N4BP2: variants seen among roughly 807,000 people sequenced by gnomAD.
N4BP2 encodes NEDD4 binding protein 2, also known as NEDD4-binding protein 2.
In N4BP2, 91 loss-of-function variants were observed where a neutral mutation model predicts 152.8. The observed-to-expected ratio is 0.60, with a 90% confidence interval of 0.50 to 0.71. N4BP2 has a LOEUF of 0.71. N4BP2 is among the 30% of genes least tolerant of loss of function. The pLI, the probability that N4BP2 is intolerant of heterozygous loss-of-function variation, is 0.00. For synonymous variants in N4BP2, 646 were observed against 705.3 expected (o/e 0.92, Z 1.33); for missense variants, 1,923 against 2,059.1 (o/e 0.93, Z 1.28).
intron 13 of N4BP2, among the ~76,000 whole-genome samples, chr4:40,136,679 T>C (rs1719437776): frequency 6.6e-6 from 1 of 152,240 alleles, no homozygotes; most frequent in South Asian, 2.1e-4. Flanking sequence ...TGAGCTACTG[T>C]GCCTGGCTGA....
chr4:40,161,057 T>A (rs1721845916), downstream of N4BP2, among the ~76,000 whole-genome samples: 1 of 152,134 alleles, frequency 6.6e-6, no homozygotes, highest in Non-Finnish European at 1.5e-5. Flanking sequence ...AAAAACTCAA[T>A]CAATCAATCC....
rs1333051190 is a variant in N4BP2, at chr4:40,142,748, G to A, written c.4861G>A (p.Asp1621Asn). ...FQDFEYPDYD[D>N]YRAEAFLHQQ... ...GGACTTTGAGTACCCAGACTATGATGACTACAGAGCAGAGGCTTTCCTTCA... is the reference window on the plus strand; with the variant it reads ...GGACTTTGAGTACCCAGACTATGATAACTACAGAGCAGAGGCTTTCCTTCA... Residue 1621 changes from aspartate to asparagine, a missense_variant, in exon 15 of 18, where the codon GAC (aspartate) becomes AAC (asparagine). Physicochemically the swap from Asp to Asn is conservative, Grantham distance 23. Transcript: ENST00000261435. 3 of 1,613,870 alleles carry A rather than the reference G, an allele frequency of 1.9e-6. No homozygotes were observed. The highest frequency in any genetic ancestry group is 2.7e-5 in the African/African-American group (2 of 74,918).
At chr4:40,102,010 A>C in intron 3 of N4BP2, 65 bp from the exon 4 acceptor site, 12 of 1,014,046 alleles carry the variant, frequency 1.2e-5, no homozygotes, top group South Asian at 1.1e-4. Flanking sequence ...GATTTTAATA[A>C]AATTATTAAA....
intron 2 of N4BP2, among the ~76,000 whole-genome samples, chr4:40,094,797 C>T (rs1375151932): frequency 6.6e-6 from 1 of 151,786 alleles, no homozygotes; most frequent in African/African-American, 2.4e-5. Flanking sequence ...GGTGATCTGC[C>T]CACCTCGACC....
rs528444577 is a variant in N4BP2 at position 40,105,348 on chromosome 4, G to A, written c.1374-1552G>A. On this transcript the variant is annotated intron_variant, in intron 4 of 17. Transcript: ENST00000261435. ...CAATTTTTTTTTTTTTTTTTTGACA[G>A]AGTCTGACTCTGTCACCCAGGCTGT... Among the ~76,000 whole-genome samples, 139 of 146,372 alleles carry A rather than the reference G, an allele frequency of 9.5e-4. 1 individual carries two copies. The highest frequency in any genetic ancestry group is 9.2e-3 in the Admixed American group (133 of 14,482).
At chr4:40,136,031 T>C (rs1719350980) in intron 13 of N4BP2, among the ~76,000 whole-genome samples, 1 of 152,210 alleles carries the variant, frequency 6.6e-6, no homozygotes, top group African/African-American at 2.4e-5. Flanking sequence ...ATTTGTTGAT[T>C]TGTAGAATTT....
intron 1 of N4BP2, among the ~76,000 whole-genome samples, chr4:40,062,963 T>G (rs1733778974): frequency 6.6e-6 from 1 of 152,230 alleles, no homozygotes; most frequent in South Asian, 2.1e-4. Context: ...GTAAATGGAC[T>G]GTCTTAAAAA....
At chr4:40,117,821 C>T in intron 7 of N4BP2, 48 bp from the exon 8 acceptor site, 1 of 1,499,826 alleles carries the variant, frequency 6.7e-7, no homozygotes, top group Non-Finnish European at 9.0e-7. Flanking sequence ...TTTTTAAAAA[C>T]TTAATTATCA....
At chr4:40,070,895 G>A (rs1464580446) in intron 1 of N4BP2, among the ~76,000 whole-genome samples, 3 of 150,374 alleles carry the variant, frequency 2.0e-5, no homozygotes, top group Middle Eastern at 3.4e-3. Context: ...CGTGATCTTC[G>A]CTCACTGCAA....
intron 2 of N4BP2, among the ~76,000 whole-genome samples, chr4:40,092,431 C>T (rs192397438): frequency 5.9e-4 from 90 of 151,736 alleles, no homozygotes; most frequent in African/African-American, 2.1e-3. Context: ...TTTGTGTGTT[C>T]ATAGTTTACT....
chr4:40,079,335 T>G (rs1578970551), intron 2 of N4BP2, among the ~76,000 whole-genome samples: 1 of 152,258 alleles, frequency 6.6e-6, no homozygotes, highest in Non-Finnish European at 1.5e-5. Flanking sequence ...CAGGATGGTC[T>G]TGAATTCCTG....
chr4:40,069,408 GT>G (rs1289885487), intron 1 of N4BP2, among the ~76,000 whole-genome samples: 1 of 151,980 alleles, frequency 6.6e-6, no homozygotes, highest in Non-Finnish European at 1.5e-5. Context: ...GAGTGAGACT[GT>G]TTTAAAAAAA....
At chr4:40,130,593 C>G (rs543916653) in intron 12 of N4BP2, among the ~76,000 whole-genome samples, 11 of 152,056 alleles carry the variant, frequency 7.2e-5, no homozygotes, top group African/African-American at 2.7e-4. Flanking sequence ...TGAGCTCACT[C>G]TAGCCTTGAC....
At position 40,100,498 on chromosome 4, in the gene N4BP2, C is replaced by A. The variant is rs115033173; in HGVS notation, c.230-1577C>A. On this transcript the variant is annotated intron_variant, in intron 3 of 17. Coordinates refer to ENST00000261435, the MANE Select transcript of N4BP2 (RefSeq NM_018177.6). ...ATGGGCTGAAGTGATTCTCCTACCT[C>A]AGCCTCCTATGTGGCTGGTACTATA... 4.6e-3 allele frequency among the ~76,000 whole-genome samples: 701 copies of A among 151,932 alleles called. 11 individuals are homozygous for A. Among genetic ancestry groups the A allele is most frequent in the African/African-American group, 0.016 (679 of 41,376 alleles).
chr4:40,181,596 G>A, the N4BP2 span, among the ~76,000 whole-genome samples: 1 of 152,310 alleles, frequency 6.6e-6, no homozygotes, highest in African/African-American at 2.4e-5. Flanking sequence ...TCAACTCGCG[G>A]CTTTCATTTC....
Position 40,097,591 on chromosome 4 carries a change from A to G in N4BP2, c.229+22A>G, listed in dbSNP as rs746849215. The G allele has an allele frequency of 3.6e-5, 51 of 1,421,412 alleles. 2 individuals are homozygous for G. In the Middle Eastern group the frequency reaches 5.2e-4, roughly 15 times the overall value. 88.0% of individuals were successfully genotyped at this position (1,421,412 alleles called of 1,614,324 possible). On this transcript the variant is annotated intron_variant, in intron 3 of 17. Coordinates refer to ENST00000261435, the MANE Select transcript of N4BP2 (RefSeq NM_018177.6). ...AAAGGTGAGAAAAAGTTTAGTTTGA[A>G]CCCTGTCCATCTTATAAGAAGACTT...
intron 2 of N4BP2, among the ~76,000 whole-genome samples, chr4:40,087,660 C>A (rs113981519): frequency 6.6e-6 from 1 of 152,098 alleles, no homozygotes; most frequent in African/African-American, 2.4e-5. Flanking sequence ...CACCTTCCCC[C>A]ACTCCACGTG....
chr4:40,066,816 T>G (rs1429120449), intron 1 of N4BP2, among the ~76,000 whole-genome samples: 2 of 152,176 alleles, frequency 1.3e-5, no homozygotes, highest in Non-Finnish European at 2.9e-5. Context: ...GTTGTGCAGT[T>G]TTTTTCATCT....
chr4:40,182,027 C>T, the N4BP2 span, among the ~76,000 whole-genome samples: 2 of 152,186 alleles, frequency 1.3e-5, no homozygotes. Flanking sequence ...GTTGCTTACA[C>T]CCCATTACCC....
Sources: allele counts gnomAD v4.1 joint callset (sites outside exome capture counted in the v4.1 genomes callset), GRCh38; gene constraint gnomAD v4.1.1; transcripts MANE v1.5; gene names NCBI Gene and HGNC (gene_info 2026-07-23, HGNC 2026-07-21).